GABRB1: variants seen among roughly 807,000 people sequenced by gnomAD.
The protein encoded by GABRB1 is gamma-aminobutyric acid receptor subunit beta-1.
Under a neutral mutation model 51.6 loss-of-function variants are expected in GABRB1, and 17 were observed. The observed-to-expected ratio is 0.33, with a 90% CI of 0.23 to 0.49. GABRB1 has a LOEUF of 0.49. Among genes scored for constraint, GABRB1 ranks in the 20% least tolerant of loss-of-function variants. The pLI is 0.99. For synonymous variants in GABRB1, 247 were observed against 218.9 expected (o/e 1.13, Z -1.14); for missense variants, 410 against 600.6 (o/e 0.68, Z 3.32).
chr4:47,389,097 GT>G (rs1727897152), intron 5 of GABRB1, among the ~76,000 whole-genome samples: 1 of 152,142 alleles, frequency 6.6e-6, no homozygotes, highest in Non-Finnish European at 1.5e-5. Flanking sequence ...TGGGTGTTTG[GT>G]GGGCAGGCAC....
chr4:47,346,550 G>C (rs1241170098), intron 5 of GABRB1, among the ~76,000 whole-genome samples: 3 of 152,170 alleles, frequency 2.0e-5, no homozygotes, highest in African/African-American at 7.2e-5. Flanking sequence ...ATTCATTGAT[G>C]AATGTGCCAA....
chr4:47,003,646 C>G (rs1724296073), intron 1 of GABRB1, among the ~76,000 whole-genome samples: 1 of 152,206 alleles, frequency 6.6e-6, no homozygotes, highest in Non-Finnish European at 1.5e-5. Context: ...GAGAAATCAT[C>G]TAGTTCTGCT....
At chr4:47,365,600 C>A (rs1726954325) in intron 5 of GABRB1, among the ~76,000 whole-genome samples, 1 of 152,132 alleles carries the variant, frequency 6.6e-6, no homozygotes, top group Non-Finnish European at 1.5e-5. Flanking sequence ...GGAGGGTGAC[C>A]TATCTGGATT....
intron 3 of GABRB1, among the ~76,000 whole-genome samples, chr4:47,130,200 C>G (rs1487885318): frequency 1.3e-5 from 2 of 152,158 alleles, no homozygotes; most frequent in Non-Finnish European, 2.9e-5. Context: ...AAATCTTTCA[C>G]TGTCTTCCCA....
chr4:47,174,680 G>T (rs1458348354), intron 4 of GABRB1, among the ~76,000 whole-genome samples: 1 of 151,958 alleles, frequency 6.6e-6, no homozygotes, highest in East Asian at 1.9e-4. Context: ...TTAACTCAAG[G>T]TATTTTTCGC....
intron 5 of GABRB1, among the ~76,000 whole-genome samples, chr4:47,401,103 G>T (rs1013046725): frequency 4.0e-5 from 6 of 151,846 alleles, no homozygotes; most frequent in African/African-American, 1.5e-4. Flanking sequence ...CAGTTGGTGG[G>T]CACTTAGGTT....
intron 4 of GABRB1, among the ~76,000 whole-genome samples, chr4:47,189,967 A>G (rs2109781640): frequency 6.6e-6 from 1 of 152,134 alleles, no homozygotes; most frequent in South Asian, 2.1e-4. Context: ...CCATCTTTTT[A>G]TGATGTGGCT....
chr4:47,015,417 A>G (rs1484567062), intron 1 of GABRB1, among the ~76,000 whole-genome samples: 2 of 152,356 alleles, frequency 1.3e-5, no homozygotes, highest in Admixed American at 6.5e-5. Flanking sequence ...ATATATGTCA[A>G]TACTGTAATA....
rs201059107 is a variant in GABRB1, at chr4:47,245,827, C to CT, written c.462-74285dup. ...CTTTTCGTTTTTCTTTTCTTTCTTT[C>CT]TTTTTTTTTTTTTTTAATAAAAAGC... On this transcript the variant is annotated intron_variant, in intron 4 of 8. Coordinates refer to ENST00000295454, the MANE Select transcript of GABRB1 (RefSeq NM_000812.4). 1.8e-3 allele frequency among the ~76,000 whole-genome samples: 237 copies of CT among 130,408 alleles called. 1 individual carries two copies. Among genetic ancestry groups the CT allele is most frequent in the East Asian group, 8.1e-3 (36 of 4,440 alleles). 85.6% of individuals were successfully genotyped at this position (130,408 alleles called of 152,430 possible).
chr4:47,068,483 A>T (rs1727178636), intron 3 of GABRB1, among the ~76,000 whole-genome samples: 1 of 152,184 alleles, frequency 6.6e-6, no homozygotes, highest in Non-Finnish European at 1.5e-5. Flanking sequence ...AGAGACATTC[A>T]ACTCTTTCTT....
upstream of GABRB1, chr4:47,031,461 G>C (rs1725292136): frequency 1.7e-6 from 1 of 597,852 alleles, no homozygotes; most frequent in African/African-American, 1.9e-5. Context: ...ACCCCAAATA[G>C]GAACTTTAGA....
intron 4 of GABRB1, among the ~76,000 whole-genome samples, chr4:47,276,491 C>G (rs1285992236): frequency 6.6e-6 from 1 of 152,012 alleles, no homozygotes; most frequent in Non-Finnish European, 1.5e-5. Flanking sequence ...CCTGAAATGA[C>G]CCTGTATACT....
intron 8 of GABRB1, among the ~76,000 whole-genome samples, chr4:47,416,283 CT>C (rs1340379461): frequency 6.6e-6 from 1 of 152,048 alleles, no homozygotes; most frequent in Non-Finnish European, 1.5e-5. Context: ...TGGAGCAGTG[CT>C]TGAAGAGCAG....
intron 4 of GABRB1, among the ~76,000 whole-genome samples, chr4:47,245,160 G>T (rs1196595818): frequency 6.6e-6 from 1 of 151,872 alleles, no homozygotes; most frequent in Non-Finnish European, 1.5e-5. Context: ...ATGATAAAGG[G>T]GATATCACCA....
At chr4:47,277,995 A>T (rs1723149097) in intron 4 of GABRB1, among the ~76,000 whole-genome samples, 1 of 152,126 alleles carries the variant, frequency 6.6e-6, no homozygotes, top group Non-Finnish European at 1.5e-5. Context: ...GGGATCTATG[A>T]CACAGAAAGT....
chr4:47,142,793 GAT>G (rs1716989734), intron 3 of GABRB1, among the ~76,000 whole-genome samples: 1 of 151,860 alleles, frequency 6.6e-6, no homozygotes, highest in Non-Finnish European at 1.5e-5. Flanking sequence ...GATCAAGGAA[GAT>G]ACCCAAGTGA....
rs964986488 is a variant in GABRB1 at position 47,073,353 on chromosome 4, T to C, written c.240+40869T>C. 3.3e-5 allele frequency among the ~76,000 whole-genome samples: 5 copies of C among 152,372 alleles called. No individual in the cohort carries two copies. In the East Asian group the frequency reaches 9.6e-4, roughly 29 times the overall value. On this transcript the variant is annotated intron_variant, in intron 3 of 8. Coordinates refer to ENST00000295454, the MANE Select transcript of GABRB1 (RefSeq NM_000812.4). Reference sequence around the variant, plus strand: ...TTCCTTAATTAGAAACAGTTCTTTCTTGCTTATTCTATTTACTTGAGAAAA... The same window carrying C: ...TTCCTTAATTAGAAACAGTTCTTTCCTGCTTATTCTATTTACTTGAGAAAA...
At chr4:47,409,321 G>A (rs1191201035) in intron 8 of GABRB1, among the ~76,000 whole-genome samples, 1 of 152,192 alleles carries the variant, frequency 6.6e-6, no homozygotes, top group Non-Finnish European at 1.5e-5. Context: ...ACAAGTTGAA[G>A]GATGGTAAAT....
intron 4 of GABRB1, among the ~76,000 whole-genome samples, chr4:47,227,697 G>A (rs1350866328): frequency 6.6e-6 from 1 of 152,126 alleles, no homozygotes; most frequent in South Asian, 2.1e-4. Context: ...GTCTTAGTTT[G>A]GTAGGGCTGC....
Sources: allele counts gnomAD v4.1 joint callset (sites outside exome capture counted in the v4.1 genomes callset), GRCh38; gene constraint gnomAD v4.1.1; transcripts MANE v1.5; gene names NCBI Gene and HGNC (gene_info 2026-07-23, HGNC 2026-07-21).